SORCS2: variants seen among roughly 807,000 people sequenced by gnomAD.
SORCS2 encodes sortilin related VPS10 domain containing receptor 2, also known as VPS10 domain-containing receptor SorCS2.
Under a neutral mutation model 141.6 loss-of-function variants are expected in SORCS2, and 100 were observed. The ratio of observed to expected loss-of-function variants is 0.71; its 90% CI spans 0.60 to 0.83. The LOEUF (loss-of-function observed/expected upper bound fraction) is 0.83, where lower values mean the gene tolerates loss of function less well. Among genes scored for constraint, SORCS2 ranks in the 40% least tolerant of loss-of-function variants. The pLI is 0.00. For synonymous variants in SORCS2, 789 were observed against 676.9 expected (o/e 1.17, Z -2.57); for missense variants, 1,646 against 1,560.2 (o/e 1.05, Z -0.93).
intron 3 of SORCS2, among the ~76,000 whole-genome samples, chr4:7,592,120 G>A (rs1435217092): frequency 2.6e-5 from 4 of 152,288 alleles, no homozygotes; most frequent in South Asian, 4.1e-4. Flanking sequence ...GATACGCTTC[G>A]AGTTTGGCTC....
At chr4:7,235,871 C>T (rs574812313) in intron 1 of SORCS2, among the ~76,000 whole-genome samples, 5 of 152,280 alleles carry the variant, frequency 3.3e-5, no homozygotes, top group South Asian at 2.1e-4. Flanking sequence ...ATGTTGCTAG[C>T]GCTGCAATTC....
intron 2 of SORCS2, chr4:7,431,675 G>A (rs1451272245): frequency 2.0e-5 from 3 of 152,196 alleles, no homozygotes; most frequent in African/African-American, 4.8e-5. Context: ...GGCCAGGCAC[G>A]ACCACCACCC....
chr4:7,558,919 C>G (rs926256942), intron 3 of SORCS2, among the ~76,000 whole-genome samples: 1 of 152,212 alleles, frequency 6.6e-6, no homozygotes, highest in Non-Finnish European at 1.5e-5. Flanking sequence ...CTCCGAGGAC[C>G]TTTTCTGTCC....
At chr4:7,426,483 G>A (rs145530834) in intron 2 of SORCS2, among the ~76,000 whole-genome samples, 81 of 152,330 alleles carry the variant, frequency 5.3e-4, no homozygotes, top group Non-Finnish European at 1.0e-3. Flanking sequence ...CAATACTTCG[G>A]GAGGCTGAAG....
intron 2 of SORCS2, among the ~76,000 whole-genome samples, chr4:7,512,992 A>T (rs1732757342): frequency 6.6e-6 from 1 of 152,150 alleles, no homozygotes; most frequent in African/African-American, 2.4e-5. Context: ...GGAAAAGCCC[A>T]CATCATTGTT....
intron 1 of SORCS2, among the ~76,000 whole-genome samples, chr4:7,265,821 G>A (rs1714684665): frequency 6.6e-6 from 1 of 152,186 alleles, no homozygotes; most frequent in Admixed American, 6.5e-5. Context: ...CTTCCTGGGG[G>A]CTGTGGTGCC....
In SORCS2 at chr4:7,580,851, T is replaced by A. The variant is rs147062693; in HGVS notation, c.648+49222T>A. Among the ~76,000 whole-genome samples the A allele has an allele frequency of 2.9e-3, 440 of 152,262 alleles. 3 individuals carry two copies. The highest frequency in any genetic ancestry group is 0.01 in the African/African-American group (424 of 41,562). ...CTCAGTTTTAGGGGGTGAAAATCAA[T>A]GGAGGAGTAAAAGTCTGACGAAAGT... On this transcript the variant is annotated intron_variant, in intron 3 of 26. Coordinates refer to ENST00000507866, the MANE Select transcript of SORCS2 (RefSeq NM_020777.3).
rs146396838 is a variant in SORCS2, at chr4:7,679,283, T to A, written c.1341+3054T>A. 3.9e-5 allele frequency among the ~76,000 whole-genome samples: 6 copies of A among 152,304 alleles called. No homozygotes were observed. In the East Asian group the frequency reaches 1.2e-3, roughly 29 times the overall value. On this transcript the variant is annotated intron_variant, in intron 9 of 26. Coordinates refer to ENST00000507866, the MANE Select transcript of SORCS2 (RefSeq NM_020777.3). ...GGAGCTTGGGTTATGAATGGGGACT[T>A]AGGGGACATAGCCCTGTCCCCTGCC... is the stretch of plus-strand genomic sequence containing the variant.
chr4:7,312,509 A>G (rs1718249020), intron 1 of SORCS2, among the ~76,000 whole-genome samples: 1 of 151,454 alleles, frequency 6.6e-6, no homozygotes, highest in African/African-American at 2.4e-5. Context: ...TCTAGTACCT[A>G]CCTGTCTCTG....
At chr4:7,701,315 T>G (rs917269345) in intron 12 of SORCS2, among the ~76,000 whole-genome samples, 33 of 152,222 alleles carry the variant, frequency 2.2e-4, no homozygotes, top group African/African-American at 7.9e-4. Flanking sequence ...GGGACATAGC[T>G]GCTCACCCTC....
rs781639283 is a variant in SORCS2 at position 7,664,517 on chromosome 4, G to A, written c.1071+46G>A. ...TTTGGAAATTGGCAACAGGTGACGT[G>A]GCGGATGACCCGTTCGCGGCAAAAA... is the stretch of plus-strand genomic sequence containing the variant. On this transcript the variant is annotated intron_variant, in intron 7 of 26. Transcript: ENST00000507866. The surrounding 1 kb of genome is among the most constrained non-coding windows in gnomAD (Gnocchi z 4.7). The A allele has an allele frequency of 9.8e-6, 14 of 1,424,772 alleles. No individual in the cohort carries two copies. The highest frequency in any genetic ancestry group is 1.4e-5 in the Non-Finnish European group (14 of 1,036,014). 88.3% of individuals were successfully genotyped at this position (1,424,772 alleles called of 1,614,324 possible). A position where few individuals can be genotyped will look rare whatever the true frequency, so the allele number is the denominator to read the frequency against.
At chr4:7,686,178 G>T (rs1723860128) in intron 10 of SORCS2, among the ~76,000 whole-genome samples, 1 of 152,182 alleles carries the variant, frequency 6.6e-6, no homozygotes, top group African/African-American at 2.4e-5. Context: ...TGCAGGGATG[G>T]CTTTAACAGG....
intron 1 of SORCS2, among the ~76,000 whole-genome samples, chr4:7,334,176 A>G (rs1342440066): frequency 6.6e-6 from 1 of 152,142 alleles, no homozygotes; most frequent in East Asian, 1.9e-4. Context: ...GAAGGTGCCC[A>G]CACAGGCATG....
At chr4:7,323,669 G>A (rs1356443839) in intron 1 of SORCS2, among the ~76,000 whole-genome samples, 2 of 152,132 alleles carry the variant, frequency 1.3e-5, no homozygotes, top group African/African-American at 4.8e-5. Flanking sequence ...GCTAGGGGTA[G>A]AGGGTGGCGT....
rs1553853432 is a variant in SORCS2, at chr4:7,388,154, G to GT, written c.481-8134_481-8133insT. Among the ~76,000 whole-genome samples the GT allele has an allele frequency of 1.8e-4, 27 of 152,028 alleles. No homozygotes were observed. In the East Asian group the frequency reaches 3.9e-3, roughly 22 times the overall value. On this transcript the variant is annotated intron_variant, in intron 1 of 26. Transcript: ENST00000507866. ...CACAGATGCACACATGCGCACAGATGCCCCCACACCTGAAGCTGGGAGACA... is the reference window on the plus strand; with the variant it reads ...CACAGATGCACACATGCGCACAGATGTCCCCCACACCTGAAGCTGGGAGACA...
At chr4:7,359,058 G>C (rs901334619) in intron 1 of SORCS2, among the ~76,000 whole-genome samples, 1 of 152,212 alleles carries the variant, frequency 6.6e-6, no homozygotes, top group African/African-American at 2.4e-5. Flanking sequence ...TACTTCGGGA[G>C]GCCGAGGCAG....
At chr4:7,297,197 G>A (rs1717131406) in intron 1 of SORCS2, among the ~76,000 whole-genome samples, 1 of 152,162 alleles carries the variant, frequency 6.6e-6, no homozygotes, top group Non-Finnish European at 1.5e-5. Context: ...TTCCCTTCCT[G>A]GAGGCCAGAG....
chr4:7,693,917 A>C (rs11734698), intron 11 of SORCS2, among the ~76,000 whole-genome samples: 24,647 of 152,104 alleles, frequency 0.16, 2,052 homozygotes, highest in South Asian at 0.31. Flanking sequence ...GAGCCCCACC[A>C]GTTCTGTGGA....
At chr4:7,490,884 T>G (rs993684902) in intron 2 of SORCS2, among the ~76,000 whole-genome samples, 1 of 152,140 alleles carries the variant, frequency 6.6e-6, no homozygotes, top group Admixed American at 6.5e-5. Context: ...CCTCTGCCCA[T>G]GCCTTAGCCT....
Sources: allele counts gnomAD v4.1 joint callset (sites outside exome capture counted in the v4.1 genomes callset), GRCh38; gene constraint gnomAD v4.1.1; non-coding constraint Gnocchi (gnomAD v3.1); transcripts MANE v1.5; gene names NCBI Gene and HGNC (gene_info 2026-07-23, HGNC 2026-07-21).